Variants in WASHC3 observed in about 807,000 individuals in gnomAD.
WASHC3 encodes WASH complex subunit CCDC53.
WASHC3 carries 24 observed loss-of-function variants against 26.1 expected under a neutral mutation model. That is an observed-to-expected ratio of 0.92 (90% CI 0.66 to 1.29). The LOEUF (loss-of-function observed/expected upper bound fraction) is 1.29, where lower values mean the gene tolerates loss of function less well. Among genes scored for constraint, WASHC3 ranks in the 50% most tolerant of loss-of-function variants. The probability of loss-of-function intolerance (pLI) is 0.00; values close to 1 mark genes in which losing one functional copy is unlikely to be tolerated. For missense variants in WASHC3, 214 were observed against 229.6 expected (o/e 0.93, Z 0.44); for synonymous variants, 77 against 75.7 (o/e 1.02, Z -0.09).
chr12:102,017,827 C>A (rs1379286414), intron 6 of WASHC3: 11 of 427,386 alleles, frequency 2.6e-5, no homozygotes, highest in Non-Finnish European at 5.0e-5. Context: ...ATACAGATAA[C>A]ATAAAATTTA....
intron 2 of WASHC3, among the ~76,000 whole-genome samples, chr12:102,051,047 T>G (rs572225158): frequency 2.6e-5 from 4 of 152,262 alleles, no homozygotes; most frequent in Non-Finnish European, 2.9e-5. Flanking sequence ...AGTTGAGTTC[T>G]TCACAGAATG....
intron 2 of WASHC3, among the ~76,000 whole-genome samples, chr12:102,049,946 T>A (rs1482544583): frequency 2.6e-5 from 4 of 152,200 alleles, no homozygotes; most frequent in African/African-American, 9.7e-5. Context: ...TTCTCAGCAC[T>A]TTTGCTTGTA....
At chr12:102,052,242 C>G (rs552519224) in intron 2 of WASHC3, among the ~76,000 whole-genome samples, 51 of 152,306 alleles carry the variant, frequency 3.3e-4, no homozygotes, top group African/African-American at 1.2e-3. Context: ...CTCCAGGCAG[C>G]ACAGCATGGA....
intron 2 of WASHC3, among the ~76,000 whole-genome samples, chr12:102,052,634 C>A (rs1878437014): frequency 6.6e-6 from 1 of 152,058 alleles, no homozygotes. Flanking sequence ...CCCACCCCAG[C>A]ACCAGGTCAG....
chr12:102,051,140 C>T (rs1468719030), intron 2 of WASHC3, among the ~76,000 whole-genome samples: 2 of 152,240 alleles, frequency 1.3e-5, no homozygotes, highest in African/African-American at 2.4e-5. Flanking sequence ...TTGTTTCAAA[C>T]TTAATTCTGG....
intron 6 of WASHC3, among the ~76,000 whole-genome samples, chr12:102,018,245 C>T (rs1876794735): frequency 6.6e-6 from 1 of 152,130 alleles, no homozygotes; most frequent in African/African-American, 2.4e-5. Flanking sequence ...TATCTTTTGG[C>T]TATTGTGAAA....
In WASHC3 at chr12:102,061,918, C is replaced by A; in HGVS notation, c.45G>T (p.Leu15=). 1 of 1,598,428 alleles carries A rather than the reference C, an allele frequency of 6.3e-7. No individual in the cohort carries two copies. Among genetic ancestry groups the A allele is most frequent in the South Asian group, 1.1e-5 (1 of 88,412 alleles). Residue 15 remains leucine, a synonymous_variant, in exon 1 of 7, where the codon CTG becomes CTT. Coordinates refer to ENST00000240079, the MANE Select transcript of WASHC3 (RefSeq NM_016053.4). ...AGCACCGTCTTTTACAAACCTTGGT[C>A]AGGTCTATGCCTGACCCCATGAGAG... ...GLPLMGSGID[L]TKVPAIQQKR...
At chr12:102,042,765 C>T (rs75439851) in intron 4 of WASHC3, among the ~76,000 whole-genome samples, 4,567 of 152,128 alleles carry the variant, frequency 0.03, 281 homozygotes, top group East Asian at 0.28. Context: ...GTGAAAAGTG[C>T]CTCCAGGTAC....
At chr12:102,027,665 T>C (rs1188757338) in intron 5 of WASHC3, among the ~76,000 whole-genome samples, 1 of 152,168 alleles carries the variant, frequency 6.6e-6, no homozygotes, top group African/African-American at 2.4e-5. Context: ...ATTTTGGCTA[T>C]GGCGGAGAAA....
intron 3 of WASHC3, 23 bp downstream of exon 3, chr12:102,046,031 A>C: frequency 7.0e-7 from 1 of 1,422,644 alleles, no homozygotes; most frequent in Non-Finnish European, 9.8e-7. Flanking sequence ...AGTTTATACT[A>C]CAAATTATTG....
chr12:102,061,885 G>A (rs1242407738), intron 1 of WASHC3, 27 bp downstream of exon 1: 5 of 1,572,970 alleles, frequency 3.2e-6, no homozygotes, highest in Non-Finnish European at 1.7e-6. Context: ...CCGGCTCGTC[G>A]GGAGTCTAGC....
intron 2 of WASHC3, among the ~76,000 whole-genome samples, chr12:102,056,588 C>T (rs1006602032): frequency 2.0e-5 from 3 of 152,158 alleles, no homozygotes; most frequent in African/African-American, 4.8e-5. Context: ...ATAAACATGA[C>T]TTTACAATTA....
chr12:102,031,504 G>T (rs944312187), intron 5 of WASHC3, among the ~76,000 whole-genome samples: 1 of 152,166 alleles, frequency 6.6e-6, no homozygotes, highest in Non-Finnish European at 1.5e-5. Flanking sequence ...TTCATGGGAA[G>T]AATAAAATAT....
chr12:102,026,629 G>A (rs182770986), intron 5 of WASHC3, among the ~76,000 whole-genome samples: 25 of 152,216 alleles, frequency 1.6e-4, no homozygotes, highest in East Asian at 9.6e-4. Flanking sequence ...GTAAAAACAC[G>A]TGAATCTCAG....
intron 6 of WASHC3, among the ~76,000 whole-genome samples, chr12:102,023,708 C>T (rs1480782799): frequency 2.6e-5 from 4 of 152,086 alleles, no homozygotes; most frequent in Non-Finnish European, 5.9e-5. Context: ...TGAGTCACCC[C>T]CACTCCAACC....
At chr12:102,022,543 A>G (rs1877002423) in intron 6 of WASHC3, among the ~76,000 whole-genome samples, 2 of 152,232 alleles carry the variant, frequency 1.3e-5, no homozygotes, top group African/African-American at 4.8e-5. Context: ...GGGTTACACA[A>G]CTAGAAAGTG....
intron 2 of WASHC3, chr12:102,050,479 C>T: frequency 2.4e-6 from 1 of 425,072 alleles, no homozygotes; most frequent in Non-Finnish European, 4.7e-6. Context: ...CACACACACA[C>T]ACACACACAC....
intron 2 of WASHC3, among the ~76,000 whole-genome samples, chr12:102,051,548 ACT>A (rs1478703275): frequency 6.6e-6 from 1 of 152,314 alleles, no homozygotes; most frequent in South Asian, 2.1e-4. Context: ...CTTGTACTGC[ACT>A]CTCTCACTTG....
In WASHC3 at chr12:102,039,968, G is replaced by GTA; in HGVS notation, c.333_334dup (p.Thr112IlefsTer18). On this transcript the variant is annotated frameshift_variant, in exon 5 of 7. Coordinates refer to ENST00000240079, the MANE Select transcript of WASHC3 (RefSeq NM_016053.4). LOFTEE classifies it high-confidence loss of function. Reference sequence around the variant, plus strand: ...ACTTTCCTGTAGTCCAGAGTCTTGTGTACTGTTCTGCTGTAGAGAGTATTT... The same window carrying GTA: ...ACTTTCCTGTAGTCCAGAGTCTTGTGTATACTGTTCTGCTGTAGAGAGTATTT... 1.9e-6 allele frequency: 3 copies of GTA among 1,544,640 alleles called. No homozygotes were observed. The highest frequency in any genetic ancestry group is 2.7e-6 in the Non-Finnish European group (3 of 1,118,308).
Sources: allele counts gnomAD v4.1 joint callset (sites outside exome capture counted in the v4.1 genomes callset), GRCh38; gene constraint gnomAD v4.1.1; transcripts MANE v1.5; gene names NCBI Gene and HGNC (gene_info 2026-07-23, HGNC 2026-07-21).